Variants in NR3C2 observed in about 807,000 individuals in gnomAD.
NR3C2 encodes the protein mineralocorticoid receptor.
Under a neutral mutation model 86.4 loss-of-function variants are expected in NR3C2, and 15 were observed. That is an observed-to-expected ratio of 0.17 (90% CI 0.12 to 0.27). The LOEUF (loss-of-function observed/expected upper bound fraction) is 0.27. Among genes scored for constraint, NR3C2 ranks in the 10% least tolerant of loss-of-function variants. The probability of loss-of-function intolerance (pLI) is 1.00; values close to 1 mark genes in which losing one functional copy is unlikely to be tolerated. For synonymous variants in NR3C2, 458 were observed against 450.5 expected (o/e 1.02, Z -0.21); for missense variants, 960 against 1,195.6 (o/e 0.80, Z 2.91).
intron 2 of NR3C2, among the ~76,000 whole-genome samples, chr4:148,322,701 A>G (rs1743681597): frequency 8.6e-6 from 1 of 116,656 alleles, no homozygotes; most frequent in Admixed American, 9.3e-5. Flanking sequence ...TTCTTCACGT[A>G]GTTCTCGAGC....
At chr4:148,177,446 AT>A (rs1417936393) in intron 4 of NR3C2, among the ~76,000 whole-genome samples, 1 of 152,216 alleles carries the variant, frequency 6.6e-6, no homozygotes, top group East Asian at 1.9e-4. Flanking sequence ...AGAGGACTTT[AT>A]TGTAACATAA....
chr4:148,226,606 T>G (rs1738179036), intron 3 of NR3C2, among the ~76,000 whole-genome samples: 2 of 152,174 alleles, frequency 1.3e-5, no homozygotes, highest in South Asian at 4.1e-4. Context: ...GCAATAGGTA[T>G]GTACTAGGTA....
At chr4:148,228,887 G>A (rs1488517124) in intron 3 of NR3C2, among the ~76,000 whole-genome samples, 1 of 152,112 alleles carries the variant, frequency 6.6e-6, no homozygotes, top group Non-Finnish European at 1.5e-5. Flanking sequence ...CAGACTGCCG[G>A]CAGGAAAGAA....
intron 2 of NR3C2, among the ~76,000 whole-genome samples, chr4:148,319,368 C>T (rs944243691): frequency 1.3e-5 from 2 of 152,092 alleles, no homozygotes; most frequent in African/African-American, 2.4e-5. Flanking sequence ...GGGCTCTTTT[C>T]TGGTTCCATA....
chr4:148,349,295 G>A (rs1240165740), intron 2 of NR3C2, among the ~76,000 whole-genome samples: 1 of 151,862 alleles, frequency 6.6e-6, no homozygotes, highest in African/African-American at 2.4e-5. Context: ...TGTCACAAGA[G>A]TCCCTTTTTG....
intron 6 of NR3C2, among the ~76,000 whole-genome samples, chr4:148,147,611 G>A (rs1474572667): frequency 6.6e-6 from 1 of 152,232 alleles, no homozygotes; most frequent in Non-Finnish European, 1.5e-5. Context: ...ACGTACTTAA[G>A]AGCTGGCAAT....
intron 2 of NR3C2, among the ~76,000 whole-genome samples, chr4:148,297,918 C>G (rs928743369): frequency 6.6e-6 from 1 of 150,922 alleles, no homozygotes. Flanking sequence ...ACGTAGTATA[C>G]ATCTACTAAG....
chr4:148,420,092 C>T lies in NR3C2; in HGVS notation c.1757+15012G>A, dbSNP rs555203243. Among the ~76,000 whole-genome samples the T allele has an allele frequency of 2.6e-5, 4 of 152,220 alleles. No homozygotes were observed. The East Asian group carries it at 5.8e-4, about 22-fold the overall frequency. On this transcript the variant is annotated intron_variant, in intron 2 of 8. Coordinates refer to ENST00000358102, the MANE Select transcript of NR3C2 (RefSeq NM_000901.5). ...CTCACGTGAGCACACAAGCAACACCCCTACTTAAGGCTGGATGAGTGACCC... is the reference window on the plus strand; with the variant it reads ...CTCACGTGAGCACACAAGCAACACCTCTACTTAAGGCTGGATGAGTGACCC...
intron 4 of NR3C2, among the ~76,000 whole-genome samples, chr4:148,186,944 C>T (rs1735923830): frequency 7.1e-6 from 1 of 140,486 alleles, no homozygotes. Flanking sequence ...GCTGTTAATT[C>T]ATTCCTTTTT....
intron 2 of NR3C2, among the ~76,000 whole-genome samples, chr4:148,303,137 T>A (rs919410640): frequency 6.6e-6 from 1 of 151,726 alleles, no homozygotes; most frequent in African/African-American, 2.4e-5. Flanking sequence ...GCTATCATAA[T>A]TTTTTTTTAA....
Position 148,122,657 on chromosome 4 carries a change from C to T in NR3C2, c.2511-2369G>A, listed in dbSNP as rs184120025. On this transcript the variant is annotated intron_variant, in intron 6 of 8. Coordinates refer to ENST00000358102, the MANE Select transcript of NR3C2 (RefSeq NM_000901.5). ...GTTGCTGGAAGTCAGGGACCCCGAACGGAGGGACTGGCTGGAGCCGTGGCA... is the reference window on the plus strand; with the variant it reads ...GTTGCTGGAAGTCAGGGACCCCGAATGGAGGGACTGGCTGGAGCCGTGGCA... Among the ~76,000 whole-genome samples, 588 of 152,252 alleles carry T rather than the reference C, an allele frequency of 3.9e-3. 10 individuals carry two copies. In the South Asian group the frequency reaches 0.047, roughly 12 times the overall value.
At chr4:148,086,864 G>A (rs1419165946) in intron 8 of NR3C2, among the ~76,000 whole-genome samples, 1 of 152,084 alleles carries the variant, frequency 6.6e-6, no homozygotes. Context: ...TTCGAAAACC[G>A]GCACAATACA....
chr4:148,198,545 G>A (rs917789773), intron 3 of NR3C2, among the ~76,000 whole-genome samples: 1 of 152,084 alleles, frequency 6.6e-6, no homozygotes, highest in Non-Finnish European at 1.5e-5. Flanking sequence ...GAGTCAATAA[G>A]GAGCTATCAG....
chr4:148,411,209 C>T (rs1748686987), intron 2 of NR3C2, among the ~76,000 whole-genome samples: 1 of 143,000 alleles, frequency 7.0e-6, no homozygotes, highest in Admixed American at 7.0e-5. Context: ...TGTTTTGGGG[C>T]CCAGCAATTG....
chr4:148,257,427 G>T (rs1185267707), intron 3 of NR3C2, among the ~76,000 whole-genome samples: 1 of 152,224 alleles, frequency 6.6e-6, no homozygotes, highest in Middle Eastern at 3.4e-3. Context: ...AAAATAGCAA[G>T]GCTATATTAT....
chr4:148,156,135 G>A (rs1443640139), intron 4 of NR3C2, among the ~76,000 whole-genome samples: 3 of 152,018 alleles, frequency 2.0e-5, no homozygotes, highest in African/African-American at 4.8e-5. Flanking sequence ...AGACTTAAAC[G>A]TTAGACCTAA....
At chr4:148,389,022 AT>A (rs1299553966) in intron 2 of NR3C2, among the ~76,000 whole-genome samples, 3 of 152,226 alleles carry the variant, frequency 2.0e-5, no homozygotes, top group Non-Finnish European at 1.5e-5. Flanking sequence ...CTATGTATCA[AT>A]TTTGTAAAGA....
chr4:148,394,399 A>G (rs1747750373), intron 2 of NR3C2, among the ~76,000 whole-genome samples: 1 of 151,914 alleles, frequency 6.6e-6, no homozygotes. Flanking sequence ...AAACAAAACA[A>G]CCAGGCATGG....
chr4:148,145,204 G>C (rs1733808018), intron 6 of NR3C2, among the ~76,000 whole-genome samples: 1 of 152,190 alleles, frequency 6.6e-6, no homozygotes, highest in African/African-American at 2.4e-5. Context: ...GCGGAGTTCA[G>C]GTATGGTATG....
Sources: allele counts gnomAD v4.1 joint callset (sites outside exome capture counted in the v4.1 genomes callset), GRCh38; gene constraint gnomAD v4.1.1; transcripts MANE v1.5; gene names NCBI Gene and HGNC (gene_info 2026-07-23, HGNC 2026-07-21).